Variants in SMARCAD1 observed in about 807,000 individuals in gnomAD.
SMARCAD1 encodes SNF2 related chromatin remodeling ATPase with DExD box 1, also known as SWI/SNF-related matrix-associated actin-dependent regulator of chromatin subfamily A containing DEAD/H box 1.
Under a neutral mutation model 127.1 loss-of-function variants are expected in SMARCAD1, and 25 were observed. The ratio of observed to expected loss-of-function variants is 0.20; its 90% CI spans 0.14 to 0.27. The LOEUF is 0.27. Ranked by LOEUF, SMARCAD1 falls within the 10% of genes least tolerant of loss-of-function variation. SMARCAD1 has a pLI of 1.00. For missense variants in SMARCAD1, 807 were observed against 1,206.0 expected (o/e 0.67, Z 4.90); for synonymous variants, 400 against 396.9 (o/e 1.01, Z -0.09).
chr4:94,216,357 T>A (rs1165672047), intron 2 of SMARCAD1, among the ~76,000 whole-genome samples: 2 of 152,186 alleles, frequency 1.3e-5, no homozygotes, highest in Non-Finnish European at 2.9e-5. Context: ...TGTGGTCACC[T>A]TGTTCATCCT....
chr4:94,270,878 T>C (rs1489198929), intron 11 of SMARCAD1, 60 bp downstream of exon 11: 1 of 1,515,914 alleles, frequency 6.6e-7, no homozygotes, highest in Non-Finnish European at 9.2e-7. Flanking sequence ...GTATTCTTGC[T>C]GTCATTTAAA....
chr4:94,285,113 C>G, intron 23 of SMARCAD1, 44 bp downstream of exon 23: 1 of 1,217,156 alleles, frequency 8.2e-7, no homozygotes, highest in Non-Finnish European at 1.2e-6. Flanking sequence ...ATCTATATGA[C>G]CATGCATCTA....
chr4:94,263,782 A>G (rs566912120), intron 9 of SMARCAD1, among the ~76,000 whole-genome samples: 1 of 152,016 alleles, frequency 6.6e-6, no homozygotes, highest in South Asian at 2.1e-4. Context: ...AGATGGTTTT[A>G]TTTTAGTTTC....
At chr4:94,273,082 A>G (rs1560559649) in intron 11 of SMARCAD1, among the ~76,000 whole-genome samples, 1 of 152,208 alleles carries the variant, frequency 6.6e-6, no homozygotes, top group Non-Finnish European at 1.5e-5. Flanking sequence ...CTGGGATTAC[A>G]GGCATGCACC....
intron 10 of SMARCAD1, among the ~76,000 whole-genome samples, chr4:94,268,552 C>CA (rs1752077795): frequency 6.6e-6 from 1 of 152,212 alleles, no homozygotes; most frequent in Middle Eastern, 3.4e-3. Context: ...ATGGAAAACT[C>CA]AGTGTGTTGA....
At chr4:94,258,760 T>C (rs1750507302) in intron 9 of SMARCAD1, among the ~76,000 whole-genome samples, 1 of 152,226 alleles carries the variant, frequency 6.6e-6, no homozygotes, top group Admixed American at 6.5e-5. Context: ...TGGGGTGTAA[T>C]TATAGTGCCT....
At chr4:94,239,014 A>G (rs1747149818) in intron 5 of SMARCAD1, among the ~76,000 whole-genome samples, 1 of 152,188 alleles carries the variant, frequency 6.6e-6, no homozygotes, top group African/African-American at 2.4e-5. Flanking sequence ...ATTCCATTGT[A>G]CTTCAGATTA....
At chr4:94,270,077 C>G (rs1172136211) in intron 10 of SMARCAD1, among the ~76,000 whole-genome samples, 4 of 151,542 alleles carry the variant, frequency 2.6e-5, no homozygotes, top group Non-Finnish European at 5.9e-5. Flanking sequence ...ATGCTACTTT[C>G]TACTCACTGA....
In SMARCAD1 at chr4:94,287,726, T is replaced by TC. The variant is rs1170424276; in HGVS notation, c.3020-1746dup. Among the ~76,000 whole-genome samples the TC allele has an allele frequency of 1.0e-3, 156 of 152,294 alleles. 1 individual carries two copies. Among genetic ancestry groups the TC allele is most frequent in the Middle Eastern group, 3.4e-3 (1 of 294 alleles). Reference sequence around the variant, plus strand: ...ATAAAGATTGTGTTTGGGTTTTTTTTCATTAACTTCCCTTAATGTATTAAT... The same window carrying TC: ...ATAAAGATTGTGTTTGGGTTTTTTTTCCATTAACTTCCCTTAATGTATTAAT... On this transcript the variant is annotated intron_variant, in intron 23 of 23. Coordinates refer to ENST00000354268, the MANE Select transcript of SMARCAD1 (RefSeq NM_020159.5).
rs760240664 is a variant in SMARCAD1 at position 94,208,596 on chromosome 4, T to C, written c.190+12T>C. 13 of 1,612,218 alleles carry C rather than the reference T, an allele frequency of 8.1e-6. No individual in the cohort carries two copies. Among genetic ancestry groups the C allele is most frequent in the Non-Finnish European group, 1.1e-5 (13 of 1,178,348 alleles). Reference sequence around the variant, plus strand: ...AACTGAAAAAACAGGTGAGTTACAATGTTAAAATTGATGTAACATCAAGGA... The same window carrying C: ...AACTGAAAAAACAGGTGAGTTACAACGTTAAAATTGATGTAACATCAAGGA... On this transcript the variant is annotated intron_variant, in intron 2 of 23. Coordinates refer to ENST00000354268, the MANE Select transcript of SMARCAD1 (RefSeq NM_020159.5).
intron 9 of SMARCAD1, among the ~76,000 whole-genome samples, chr4:94,259,146 T>C (rs899813802): frequency 2.6e-5 from 4 of 152,192 alleles, no homozygotes; most frequent in African/African-American, 9.7e-5. Flanking sequence ...GTTACAACTT[T>C]TGGAAAGTGT....
chr4:94,260,801 A>T (rs935867935), intron 9 of SMARCAD1, among the ~76,000 whole-genome samples: 2 of 152,126 alleles, frequency 1.3e-5, no homozygotes, highest in Non-Finnish European at 2.9e-5. Flanking sequence ...GGTCACCCCC[A>T]CCTTTTAACC....
At chr4:94,274,442 G>T (rs558791293) in intron 12 of SMARCAD1, among the ~76,000 whole-genome samples, 2 of 151,880 alleles carry the variant, frequency 1.3e-5, no homozygotes, top group African/African-American at 4.8e-5. Context: ...TCAGCCTCCC[G>T]AGTAGCTGGG....
intron 6 of SMARCAD1, among the ~76,000 whole-genome samples, chr4:94,243,778 T>G (rs1747973574): frequency 6.6e-6 from 1 of 152,174 alleles, no homozygotes; most frequent in Admixed American, 6.5e-5. Context: ...CCATGTATAT[T>G]ATCCTGTTAG....
chr4:94,271,933 A>G (rs1484611215), intron 11 of SMARCAD1, among the ~76,000 whole-genome samples: 1 of 152,252 alleles, frequency 6.6e-6, no homozygotes, highest in East Asian at 1.9e-4. Flanking sequence ...AATATTTATA[A>G]GTTGATGGCT....
rs1443490295 is a variant in SMARCAD1, at chr4:94,249,601, C to A, written c.706-53C>A. The A allele has an allele frequency of 6.5e-6, 6 of 918,344 alleles. No homozygotes were observed. The South Asian group carries it at 6.6e-5, about 10-fold the overall frequency. 56.9% of individuals were successfully genotyped at this position (918,344 alleles called of 1,614,324 possible). A position where few individuals can be genotyped will look rare whatever the true frequency, so the allele number is the denominator to read the frequency against. On this transcript the variant is annotated intron_variant, in intron 6 of 23. Transcript: ENST00000354268. ...AAATACAATGATAATTGCCTTAAGA[C>A]CATTGTTATTGATATCTCTTAAATT...
intron 6 of SMARCAD1, among the ~76,000 whole-genome samples, chr4:94,242,071 T>C (rs1355535478): frequency 1.3e-5 from 2 of 152,116 alleles, no homozygotes; most frequent in African/African-American, 4.8e-5. Context: ...AGTCTTACTC[T>C]GTCCCAGGCT....
intron 6 of SMARCAD1, among the ~76,000 whole-genome samples, chr4:94,241,606 A>G (rs1475889139): frequency 6.6e-6 from 1 of 152,178 alleles, no homozygotes; most frequent in African/African-American, 2.4e-5. Context: ...TGGATAGGGA[A>G]GGCAAATTCA....
At chr4:94,281,135 A>G (rs926967975) in intron 20 of SMARCAD1, among the ~76,000 whole-genome samples, 1 of 152,188 alleles carries the variant, frequency 6.6e-6, no homozygotes, top group African/African-American at 2.4e-5. Flanking sequence ...AATAGCCTAA[A>G]TTTGTAAAAT....
Sources: allele counts gnomAD v4.1 joint callset (sites outside exome capture counted in the v4.1 genomes callset), GRCh38; gene constraint gnomAD v4.1.1; transcripts MANE v1.5; gene names NCBI Gene and HGNC (gene_info 2026-07-23, HGNC 2026-07-21).